Variants in AQP12A observed in about 807,000 individuals in gnomAD.
The protein encoded by AQP12A is putative aquaporin-12A.
AQP12A carries 11 observed loss-of-function variants against 12.2 expected under a neutral mutation model. The ratio of observed to expected loss-of-function variants is 0.90; its 90% CI spans 0.57 to 1.49. The LOEUF is 1.49. Among genes scored for constraint, AQP12A ranks in the 40% most tolerant of loss-of-function variants. The pLI, the probability that AQP12A is intolerant of heterozygous loss-of-function variation, is 0.00. For synonymous variants in AQP12A, 101 were observed against 127.1 expected, an observed-to-expected ratio of 0.79 and a Z score of 1.38; for missense variants, 203 against 260.8, an observed-to-expected ratio of 0.78 and a Z score of 1.53.
At chr2:240,693,367 C>T (rs1323800491) in intron 2 of AQP12A, among the ~76,000 whole-genome samples, 1 of 152,300 alleles carries the variant, frequency 6.6e-6, no homozygotes. Context: ...CCACCAGAGC[C>T]CTGTACAGAT....
At position 240,691,876 on chromosome 2, in the gene AQP12A, G is replaced by A; in HGVS notation, c.-38G>A. 1 of 1,587,410 alleles carries A rather than the reference G, an allele frequency of 6.3e-7. No individual in the cohort carries two copies. Among genetic ancestry groups the A allele is most frequent in the Non-Finnish European group, 8.6e-7 (1 of 1,168,434 alleles). On this transcript the variant is annotated 5_prime_UTR_variant, in exon 1 of 4. The change creates a new upstream start codon in the 5' untranslated region. Coordinates refer to ENST00000337801, the MANE Select transcript of AQP12A (RefSeq NM_198998.3). ...GCCAGCTCCTGCTCTGTCCCCTCAG[G>A]TGTCCTGCAGGCACAGCTCCTCGGG...
rs760874870 is a variant in AQP12A at position 240,692,006 on chromosome 2, G to T, written c.93G>T (p.Val31=). The T allele has an allele frequency of 1.3e-6, 2 of 1,587,658 alleles. No individual in the cohort carries two copies. Among genetic ancestry groups the T allele is most frequent in the Non-Finnish European group, 1.7e-6 (2 of 1,168,764 alleles). Residue 31 remains valine, a synonymous_variant, in exon 1 of 4, where the codon GTG becomes GTT. Coordinates refer to ENST00000337801, the MANE Select transcript of AQP12A (RefSeq NM_198998.3). ...GGGCCTCCAAGGCCCTGCTCCCAGT[G>T]GGCGCCTATGAAGTCTTCGCCCGGG... The part of the protein sequence containing the change: ...ARRASKALLP[V]GAYEVFAREA...
In AQP12A at chr2:240,692,292, C is replaced by T. The variant is rs371504647; in HGVS notation, c.342C>T (p.Cys114=). ...AAQGLGMQAA[C]TLMRLCWAWE... ...AGGGGCTGGGCATGCAGGCCGCCTG[C>T]ACCCTGATGCGCCTCTGCTGGGCCT... Residue 114 remains cysteine (C), a synonymous_variant, in exon 2 of 4, where the codon TGC becomes TGT. Coordinates refer to ENST00000337801, the MANE Select transcript of AQP12A (RefSeq NM_198998.3). 1.3e-6 allele frequency: 2 copies of T among 1,578,496 alleles called. No individual in the cohort carries two copies. The highest frequency in any genetic ancestry group is 1.7e-6 in the Non-Finnish European group (2 of 1,167,378).
intron 3 of AQP12A, chr2:240,695,602 AG>A (rs2044105324): frequency 7.0e-6 from 2 of 285,012 alleles, no homozygotes; most frequent in Non-Finnish European, 1.5e-5. Context: ...CTGGGCCTGC[AG>A]GGCTTCTCCG....
In AQP12A at chr2:240,691,900, G is replaced by C. The variant is rs754753338; in HGVS notation, c.-14G>C. 3.1e-5 allele frequency: 50 copies of C among 1,592,104 alleles called. 2 individuals are homozygous for C. The highest frequency in any genetic ancestry group is 1.5e-4 in the South Asian group (13 of 89,082). On this transcript the variant is annotated 5_prime_UTR_variant, in exon 1 of 4. Coordinates refer to ENST00000337801, the MANE Select transcript of AQP12A (RefSeq NM_198998.3). ...GGTGTCCTGCAGGCACAGCTCCTCG[G>C]GGGGCCCAGGCCGATGGCAGGTCTT...
At chr2:240,693,545 C>T (rs1334784818) in intron 2 of AQP12A, among the ~76,000 whole-genome samples, 1 of 151,608 alleles carries the variant, frequency 6.6e-6, no homozygotes, top group African/African-American at 2.4e-5. Context: ...CCTCAGGGTC[C>T]TGGTTTACAC....
At chr2:240,693,683 C>T (rs868567232) in intron 2 of AQP12A, among the ~76,000 whole-genome samples, 24 of 152,024 alleles carry the variant, frequency 1.6e-4, no homozygotes, top group African/African-American at 5.5e-4. Context: ...TCACCCAGGC[C>T]TGGGGCTGCA....
At position 240,691,994 on chromosome 2, in the gene AQP12A, C is replaced by T; in HGVS notation, c.81C>T (p.Ala27=). The change falls in exon 1 of 4, where the codon GCC becomes GCT. Residue 27 remains alanine, a synonymous_variant. Coordinates refer to ENST00000337801, the MANE Select transcript of AQP12A (RefSeq NM_198998.3). The part of the protein sequence containing the change: ...LCEAARRASK[A]LLPVGAYEVF... ...AGGCGGCCAGGCGGGCCTCCAAGGCCCTGCTCCCAGTGGGCGCCTATGAAG... is the reference window on the plus strand; with the variant it reads ...AGGCGGCCAGGCGGGCCTCCAAGGCTCTGCTCCCAGTGGGCGCCTATGAAG... The T allele has an allele frequency of 1.3e-6, 2 of 1,588,284 alleles. No homozygotes were observed. Among genetic ancestry groups the T allele is most frequent in the Non-Finnish European group, 1.7e-6 (2 of 1,168,814 alleles).
At chr2:240,693,821 CCT>C (rs758364823) in intron 2 of AQP12A, among the ~76,000 whole-genome samples, 113 of 98,220 alleles carry the variant, frequency 1.2e-3, no homozygotes, top group East Asian at 3.2e-3. Context: ...CTCTGTCTCT[CCT>C]CTCTCTCTCT....
chr2:240,692,009 C>A lies in AQP12A; in HGVS notation c.96C>A (p.Gly32=). 9 of 1,587,578 alleles carry A rather than the reference C, an allele frequency of 5.7e-6. 1 individual carries two copies. The highest frequency in any genetic ancestry group is 7.7e-6 in the Non-Finnish European group (9 of 1,168,788). The part of the protein sequence containing the change: ...RRASKALLPV[G]AYEVFAREAM... ...CCTCCAAGGCCCTGCTCCCAGTGGG[C>A]GCCTATGAAGTCTTCGCCCGGGAGG... The change falls in exon 1 of 4, where the codon GGC becomes GGA. Residue 32 remains glycine, a synonymous_variant. Coordinates refer to ENST00000337801, the MANE Select transcript of AQP12A (RefSeq NM_198998.3).
intron 2 of AQP12A, among the ~76,000 whole-genome samples, chr2:240,693,805 C>G (rs1223079742): frequency 7.1e-6 from 1 of 140,652 alleles, no homozygotes; most frequent in Admixed American, 7.1e-5. Context: ...TGTCTCTCCT[C>G]TCTCTCTCTG....
chr2:240,692,505 C>G lies in AQP12A; in HGVS notation c.555C>G (p.Thr185=). ...YSGPAVALLV[T]VTAYTAGPFT... is the part of the protein sequence containing the mutation. ...GGCCCGCTGTGGCTCTGTTGGTCAC[C>G]GTCACGGCCTACACGGGTGAGCACT... The change falls in exon 2 of 4, where the codon ACC becomes ACG. Residue 185 remains threonine, a synonymous_variant. Transcript: ENST00000337801. 2 of 1,396,184 alleles carry G rather than the reference C, an allele frequency of 1.4e-6. No individual in the cohort carries two copies. The highest frequency in any genetic ancestry group is 1.4e-5 in the South Asian group (1 of 73,398). The allele number at this position is 1,396,184 out of a possible 1,614,324, so 86.5% of individuals were successfully genotyped here. A position where few individuals can be genotyped will look rare whatever the true frequency, so the allele number is the denominator to read the frequency against.
Position 240,692,029 on chromosome 2 carries a change from G to T in AQP12A, c.116G>T (p.Arg39Leu). 6.3e-7 allele frequency: 1 copy of T among 1,581,206 alleles called. No individual in the cohort carries two copies. ...GTGGGCGCCTATGAAGTCTTCGCCC[G>T]GGAGGCGGTGGGTGCGGGTGCAGCT... ...LPVGAYEVFA[R>L]EAMRTLVELG... The change falls in exon 1 of 4, where the codon CGG becomes CTG. Residue 39 changes from arginine to leucine, a missense_variant. Coordinates refer to ENST00000337801, the MANE Select transcript of AQP12A (RefSeq NM_198998.3).
chr2:240,692,251 T>C lies in AQP12A; in HGVS notation c.301T>C (p.Leu101=), dbSNP rs4343462. The C allele has an allele frequency of 2.7e-3, 4,286 of 1,564,334 alleles. 884 individuals are homozygous for C. The African/African-American group carries it at 0.03, about 11-fold the overall frequency. ...CGAGCAGTCTCTGCCTGGCACGCTG[T>C]TGAAGCTGGCGGCACAGGGGCTGGG... The part of the protein sequence containing the change: ...MAEQSLPGTL[L]KLAAQGLGMQ... Residue 101 remains leucine, a synonymous_variant, in exon 2 of 4, where the codon TTG becomes CTG. Coordinates refer to ENST00000337801, the MANE Select transcript of AQP12A (RefSeq NM_198998.3).
At position 240,691,992 on chromosome 2, in the gene AQP12A, G is replaced by A. The variant is rs1365404344; in HGVS notation, c.79G>A (p.Ala27Thr). ...LCEAARRASK[A>T]LLPVGAYEVF... Reference sequence around the variant, plus strand: ...TGAGGCGGCCAGGCGGGCCTCCAAGGCCCTGCTCCCAGTGGGCGCCTATGA... The same window carrying A: ...TGAGGCGGCCAGGCGGGCCTCCAAGACCCTGCTCCCAGTGGGCGCCTATGA... Residue 27 changes from alanine to threonine, a missense_variant, in exon 1 of 4, where the codon GCC becomes ACC. Physicochemically the swap from Ala to Thr is moderately conservative, Grantham distance 58. Around this residue, in one of 2 missense-constraint regions of AQP12A, gnomAD observed 191 missense variants for 197.1 expected, o/e 0.97. Transcript: ENST00000337801. 2.5e-6 allele frequency: 4 copies of A among 1,588,346 alleles called. No individual in the cohort carries two copies. In the Admixed American group the frequency reaches 7.5e-5, roughly 30 times the overall value.
intron 2 of AQP12A, among the ~76,000 whole-genome samples, chr2:240,694,035 C>G (rs1334220239): frequency 5.0e-5 from 5 of 99,320 alleles, no homozygotes. Flanking sequence ...CTGTCTCTCT[C>G]TGTGTCTTTT....
In AQP12A at chr2:240,691,959, G is replaced by A. The variant is rs566667626; in HGVS notation, c.46G>A (p.Ala16Thr). 238 of 1,596,372 alleles carry A rather than the reference G, an allele frequency of 1.5e-4. 17 individuals carry two copies. The East Asian group carries it at 1.8e-3, about 12-fold the overall frequency. The change falls in exon 1 of 4, where the codon GCC (alanine) becomes ACC (threonine). Residue 16 changes from alanine (A) to threonine (T), a missense_variant. Ala to Thr is a moderately conservative substitution (Grantham distance 58, BLOSUM62 0). Around this residue, in one of 2 missense-constraint regions of AQP12A, gnomAD observed 191 missense variants for 197.1 expected, o/e 0.97. Transcript: ENST00000337801. ...CCTCTCCTTCTTCTTTGCCACCTTC[G>A]CCCTCTGTGAGGCGGCCAGGCGGGC... ...VSLSFFFATF[A>T]LCEAARRASK...
intron 2 of AQP12A, among the ~76,000 whole-genome samples, chr2:240,693,871 TG>T (rs1390233222): frequency 0.039 from 2,745 of 70,200 alleles, 1,080 homozygotes; most frequent in Admixed American, 0.05. Context: ...TCTCTCTCTC[TG>T]TCTCTCCTCT....
intron 2 of AQP12A, among the ~76,000 whole-genome samples, chr2:240,694,059 C>T (rs1239154806): frequency 1.0e-5 from 1 of 99,976 alleles, no homozygotes; most frequent in African/African-American, 4.4e-5. Flanking sequence ...CTCTCTCTCA[C>T]TATCTGTCTC....
Sources: allele counts gnomAD v4.1 joint callset (sites outside exome capture counted in the v4.1 genomes callset), GRCh38; gene constraint gnomAD v4.1.1; regional missense constraint gnomAD v4.1.1; transcripts MANE v1.5; gene names NCBI Gene and HGNC (gene_info 2026-07-23, HGNC 2026-07-21).